DST: variants seen among roughly 807,000 people sequenced by gnomAD.
DST encodes dystonin, also known as bullous pemphigoid antigen.
DST carries 253 observed loss-of-function variants against 875.2 expected under a neutral mutation model. That is an observed-to-expected ratio of 0.29 (90% CI 0.26 to 0.32). The LOEUF is 0.32. DST is among the 10% of genes least tolerant of loss of function. The pLI is 1.00. For missense variants in DST, 8,287 were observed against 9,111.6 expected, an observed-to-expected ratio of 0.91 and a Z score of 3.68; for synonymous variants, 3,124 against 3,197.1, an observed-to-expected ratio of 0.98 and a Z score of 0.77.
At chr6:56,902,179 A>T (rs1195436098) in intron 2 of DST, among the ~76,000 whole-genome samples, 2 of 152,238 alleles carry the variant, frequency 1.3e-5, no homozygotes, top group Non-Finnish European at 1.5e-5. Flanking sequence ...ACGTTATTTG[A>T]TAATGTGCTG....
intron 4 of DST, among the ~76,000 whole-genome samples, chr6:56,767,203 A>G (rs945197148): frequency 1.3e-5 from 2 of 152,238 alleles, no homozygotes; most frequent in African/African-American, 4.8e-5. Context: ...TTTAAAACTA[A>G]TATTTATTGA....
At chr6:56,693,407 T>C (rs2099245223) in intron 9 of DST, 1 of 1,092,154 alleles carries the variant, frequency 9.2e-7, no homozygotes, top group Non-Finnish European at 1.1e-6. Flanking sequence ...TAGACAAACA[T>C]TACTGCTCAC....
At chr6:56,540,478 C>G (rs1482801856) in intron 61 of DST, 1 of 152,578 alleles carries the variant, frequency 6.6e-6, no homozygotes, top group Admixed American at 6.5e-5. Flanking sequence ...CATATTGTGT[C>G]AAAAGTGTCA....
At chr6:56,844,079 CG>C in intron 4 of DST, 1 of 152,536 alleles carries the variant, frequency 6.6e-6, no homozygotes, top group Non-Finnish European at 1.5e-5. Flanking sequence ...AAGGGATGAT[CG>C]GGGGGAGGGT....
chr6:56,818,796 C>T (rs922890170), intron 4 of DST, among the ~76,000 whole-genome samples: 2 of 152,152 alleles, frequency 1.3e-5, no homozygotes, highest in Admixed American at 6.6e-5. Flanking sequence ...TAAACAATGT[C>T]ACAGAGCAAT....
intron 2 of DST, among the ~76,000 whole-genome samples, chr6:56,916,819 CACACAG>C (rs1562393639): frequency 2.0e-5 from 3 of 148,372 alleles, no homozygotes; most frequent in East Asian, 3.9e-4. Flanking sequence ...CACACACACA[CACACAG>C]AGAGACAGAG....
intron 4 of DST, among the ~76,000 whole-genome samples, chr6:56,795,955 AGAG>A (rs2153012752): frequency 6.6e-6 from 1 of 152,310 alleles, no homozygotes; most frequent in African/African-American, 2.4e-5. Flanking sequence ...TGGTACTACT[AGAG>A]AAGACAGTTT....
intron 92 of DST, among the ~76,000 whole-genome samples, chr6:56,475,380 T>C (rs1267673058): frequency 2.7e-5 from 4 of 147,542 alleles, no homozygotes; most frequent in African/African-American, 1.1e-4. Flanking sequence ...ATTGATGTCT[T>C]ATTAGGCTTT....
chr6:56,808,047 A>G (rs1429510202), intron 4 of DST, among the ~76,000 whole-genome samples: 1 of 152,156 alleles, frequency 6.6e-6, no homozygotes, highest in Non-Finnish European at 1.5e-5. Flanking sequence ...TCTTTTCACT[A>G]TACGTTAATA....
At chr6:56,625,966 A>AAAAAGT in intron 34 of DST, among the ~76,000 whole-genome samples, 1 of 143,030 alleles carries the variant, frequency 7.0e-6, no homozygotes. Flanking sequence ...AAAGAAGTTT[A>AAAAAGT]AAAAGTAAAA....
intron 4 of DST, among the ~76,000 whole-genome samples, chr6:56,770,296 G>T (rs2099648555): frequency 6.6e-6 from 1 of 152,198 alleles, no homozygotes; most frequent in Non-Finnish European, 1.5e-5. Context: ...CATTTGGTCT[G>T]TTTGACTCCC....
intron 8 of DST, among the ~76,000 whole-genome samples, chr6:56,701,410 C>T (rs1469857661): frequency 6.6e-6 from 1 of 151,980 alleles, no homozygotes; most frequent in African/African-American, 2.4e-5. Flanking sequence ...ATATTATCTA[C>T]TTATAAAAAC....
intron 4 of DST, among the ~76,000 whole-genome samples, chr6:56,796,590 T>C (rs1344218102): frequency 6.6e-6 from 1 of 152,162 alleles, no homozygotes; most frequent in Non-Finnish European, 1.5e-5. Flanking sequence ...GTGAAATGCT[T>C]GTCTCTAGGA....
At position 56,530,067 on chromosome 6, in the gene DST, G is replaced by T. The variant is rs759192728; in HGVS notation, c.17175C>A (p.Asn5725Lys). 3 of 1,612,414 alleles carry T rather than the reference G, an allele frequency of 1.9e-6. No individual in the cohort carries two copies. The highest frequency in any genetic ancestry group is 1.3e-5 in the African/African-American group (1 of 74,740). ...QQFHETLEPL[N>K]EWLTTIEKRL... ...TCTTTTCTATGGTTGTAAGCCACTC[G>T]TTCAGTGGTTCTAAGGTTTCATGAA... is the stretch of plus-strand genomic sequence containing the variant. Residue 5725 changes from asparagine to lysine, a missense_variant, in exon 65 of 104, where the codon AAC becomes AAA. Around this residue, in one of 10 missense-constraint regions of DST, gnomAD observed 777 missense variants for 764.8 expected, o/e 1.02. Coordinates refer to ENST00000680361, the MANE Select transcript of DST (RefSeq NM_001374736.1).
rs759292785 is a variant in DST at position 56,573,801 on chromosome 6, T to G, written c.13114A>C (p.Ser4372Arg). ...ATTTCATCCAAGCCATCCTGCACAC[T>G]CAGTGAACGGGTCAAGGTTATCTGG... ...KLQITLTRSLSVQDGLDEMLD... is the reference protein window; with the variant it reads ...KLQITLTRSLRVQDGLDEMLD... Residue 4372 changes from serine to arginine, a missense_variant, in exon 51 of 104, where the codon AGT (serine) becomes CGT (arginine). Around this residue, in one of 10 missense-constraint regions of DST, gnomAD observed 1,513 missense variants for 1,677.8 expected, o/e 0.90. Transcript: ENST00000680361. The G allele has an allele frequency of 6.2e-5, 100 of 1,613,462 alleles. No homozygotes were observed. The highest frequency in any genetic ancestry group is 8.0e-5 in the Non-Finnish European group (94 of 1,179,684).
chr6:56,463,183 G>T, intron 101 of DST, 27 bp from the exon 102 acceptor site: 1 of 1,365,838 alleles, frequency 7.3e-7, no homozygotes, highest in South Asian at 1.2e-5. Flanking sequence ...CAAATCAAAT[G>T]AAAAGGATAG....
At chr6:56,713,276 C>T (rs1247288162) in intron 5 of DST, among the ~76,000 whole-genome samples, 1 of 152,148 alleles carries the variant, frequency 6.6e-6, no homozygotes, top group East Asian at 1.9e-4. Context: ...AAAATTTCAA[C>T]TACTTTGCAA....
At chr6:56,705,525 TA>T (rs1456147072) in intron 5 of DST, among the ~76,000 whole-genome samples, 1 of 152,252 alleles carries the variant, frequency 6.6e-6, no homozygotes, top group Non-Finnish European at 1.5e-5. Flanking sequence ...TTAAATCCCA[TA>T]AAACTTTATT....
intron 87 of DST, among the ~76,000 whole-genome samples, 199 bp downstream of exon 87, chr6:56,486,905 T>C (rs972966139): frequency 1.3e-5 from 2 of 152,154 alleles, no homozygotes; most frequent in African/African-American, 2.4e-5. Flanking sequence ...TCACTTTTTA[T>C]TGTAATGAGT....
Sources: allele counts gnomAD v4.1 joint callset (sites outside exome capture counted in the v4.1 genomes callset), GRCh38; gene constraint gnomAD v4.1.1; regional missense constraint gnomAD v4.1.1; transcripts MANE v1.5; gene names NCBI Gene and HGNC (gene_info 2026-07-23, HGNC 2026-07-21).